SOS2: variants seen among roughly 807,000 people sequenced by gnomAD.
SOS2 encodes the protein SOS Ras/Rho guanine nucleotide exchange factor 2, also known as son of sevenless homolog 2.
SOS2 carries 65 observed loss-of-function variants against 148.2 expected under a neutral mutation model. The ratio of observed to expected loss-of-function variants is 0.44; its 90% CI spans 0.36 to 0.54. The LOEUF is 0.54. Among genes scored for constraint, SOS2 ranks in the 20% least tolerant of loss-of-function variants. The probability of loss-of-function intolerance (pLI) is 0.00; values close to 1 mark genes in which losing one functional copy is unlikely to be tolerated. For synonymous variants in SOS2, 539 were observed against 537.1 expected, an observed-to-expected ratio of 1.00 and a Z score of -0.05; for missense variants, 1,341 against 1,590.2, an observed-to-expected ratio of 0.84 and a Z score of 2.67.
chr14:50,146,641 T>C (rs1405891854), intron 14 of SOS2, among the ~76,000 whole-genome samples: 1 of 151,782 alleles, frequency 6.6e-6, no homozygotes, highest in Non-Finnish European at 1.5e-5. Context: ...AGTGAGACTC[T>C]GTCTCAAAAC....
chr14:50,125,109 A>C (rs922448984), intron 21 of SOS2, among the ~76,000 whole-genome samples: 15 of 152,188 alleles, frequency 9.9e-5, no homozygotes, highest in South Asian at 8.3e-4. Flanking sequence ...GATGTAATGA[A>C]GTTAGGATGA....
intron 8 of SOS2, among the ~76,000 whole-genome samples, chr14:50,163,388 G>A (rs1474694923): frequency 6.6e-6 from 1 of 151,994 alleles, no homozygotes; most frequent in African/African-American, 2.4e-5. Context: ...GAACTAACTG[G>A]CTATTGTTTG....
chr14:50,216,720 G>A (rs1043378827), intron 1 of SOS2, among the ~76,000 whole-genome samples: 3 of 151,992 alleles, frequency 2.0e-5, no homozygotes, highest in African/African-American at 7.2e-5. Context: ...GGGTGACAGA[G>A]TGAGACTCAA....
chr14:50,227,770 T>C (rs1260393692), intron 1 of SOS2, among the ~76,000 whole-genome samples: 2 of 152,204 alleles, frequency 1.3e-5, no homozygotes, highest in African/African-American at 2.4e-5. Context: ...GATTGGTTTT[T>C]TAAAAATCCC....
intron 22 of SOS2, among the ~76,000 whole-genome samples, chr14:50,119,836 A>C (rs1191362518): frequency 4.5e-5 from 5 of 111,304 alleles, no homozygotes; most frequent in Non-Finnish European, 8.7e-5. Flanking sequence ...TTGAGACAAG[A>C]GTTTTGCAAT....
rs1333570193 is a variant in SOS2 at position 50,160,030 on chromosome 14, T to C, written c.1253A>G (p.Lys418Arg). Residue 418 changes from lysine to arginine, a missense_variant, in exon 10 of 23, where the codon AAA (lysine) becomes AGA (arginine). Physicochemically the swap from Lys to Arg is conservative, Grantham distance 26. This residue lies in a region of SOS2 where 574 missense variants were observed against 711.1 expected (regional missense o/e 0.81). Transcript: ENST00000216373. ...HQLRSKHLAI[K>R]KMNEIQKNID... is the part of the protein sequence containing the mutation. ...ATTTTTCTGAATTTCATTCATTTTT[T>C]TGATAGCCAGGTGTTTGCTTCTTAA... The C allele has an allele frequency of 6.2e-7, 1 of 1,614,128 alleles. No homozygotes were observed. The highest frequency in any genetic ancestry group is 2.2e-5 in the East Asian group (1 of 44,870).
intron 21 of SOS2, among the ~76,000 whole-genome samples, chr14:50,127,207 T>C (rs1383587437): frequency 2.0e-5 from 3 of 147,840 alleles, no homozygotes; most frequent in Non-Finnish European, 4.4e-5. Flanking sequence ...AATGACACGA[T>C]CTTGGATCAC....
chr14:50,181,143 T>A (rs1410022796), intron 6 of SOS2, among the ~76,000 whole-genome samples: 1 of 152,010 alleles, frequency 6.6e-6, no homozygotes, highest in Admixed American at 6.6e-5. Flanking sequence ...CAGGAATATA[T>A]CCTTAAAAAT....
intron 8 of SOS2, among the ~76,000 whole-genome samples, chr14:50,162,902 T>G (rs989037940): frequency 4.4e-4 from 66 of 150,838 alleles, no homozygotes; most frequent in Non-Finnish European, 4.9e-4. Flanking sequence ...TTTTGATTTT[T>G]TTTTTTTTTT....
Position 50,150,065 on chromosome 14 carries a change from G to C in SOS2, c.2327C>G (p.Thr776Arg). 1 of 1,614,022 alleles carries C rather than the reference G, an allele frequency of 6.2e-7. No homozygotes were observed. Among genetic ancestry groups the C allele is most frequent in the Non-Finnish European group, 8.5e-7 (1 of 1,179,922 alleles). Reference sequence around the variant, plus strand: ...ACGTGCAATTTCTATTGGATGAAGTGTCATGAGATCAAATGTTTCAAACTG... The same window carrying C: ...ACGTGCAATTTCTATTGGATGAAGTCTCATGAGATCAAATGTTTCAAACTG... ...PGQFETFDLM[T>R]LHPIEIARQL... Residue 776 changes from threonine (T) to arginine (R), a missense_variant, in exon 14 of 23, where the codon ACA (threonine) becomes AGA (arginine). Around this residue, in one of 4 missense-constraint regions of SOS2, gnomAD observed 408 missense variants for 506.6 expected, o/e 0.81. Transcript: ENST00000216373.
intron 1 of SOS2, among the ~76,000 whole-genome samples, chr14:50,221,959 C>T (rs867687584): frequency 2.0e-5 from 3 of 151,470 alleles, no homozygotes; most frequent in African/African-American, 2.4e-5. Context: ...TAAAAAAGTG[C>T]GATTAAAGAC....
chr14:50,216,144 G>A (rs1218200331), intron 1 of SOS2, among the ~76,000 whole-genome samples: 1 of 150,692 alleles, frequency 6.6e-6, no homozygotes, highest in Non-Finnish European at 1.5e-5. Flanking sequence ...CACCCAGGCT[G>A]GAGTGCAGTG....
At chr14:50,193,046 C>G (rs924413024) in intron 4 of SOS2, among the ~76,000 whole-genome samples, 1 of 151,924 alleles carries the variant, frequency 6.6e-6, no homozygotes, top group Non-Finnish European at 1.5e-5. Flanking sequence ...ACAATAATAG[C>G]TCACTATAGC....
intron 3 of SOS2, 137 bp downstream of exon 3, chr14:50,200,816 T>C: frequency 1.5e-6 from 1 of 657,630 alleles, no homozygotes; most frequent in South Asian, 2.2e-5. Flanking sequence ...ATGCGATGTG[T>C]ATGTACAAGC....
At chr14:50,230,715 T>A (rs1381086697) in intron 1 of SOS2, 1 of 158,472 alleles carries the variant, frequency 6.3e-6, no homozygotes, top group Non-Finnish European at 1.4e-5. Context: ...TATGACTCAC[T>A]GACATTTCAC....
chr14:50,230,417 A>G (rs1887503137), intron 1 of SOS2, among the ~76,000 whole-genome samples: 1 of 152,234 alleles, frequency 6.6e-6, no homozygotes. Flanking sequence ...TATTATAAAA[A>G]TGATCGTATG....
intron 1 of SOS2, among the ~76,000 whole-genome samples, chr14:50,207,969 A>T (rs1886722615): frequency 6.6e-6 from 1 of 152,080 alleles, no homozygotes; most frequent in East Asian, 1.9e-4. Flanking sequence ...TAAAAAAGCC[A>T]TTTGAAAAAT....
chr14:50,207,844 T>C (rs1283008669), intron 1 of SOS2, among the ~76,000 whole-genome samples: 4 of 147,234 alleles, frequency 2.7e-5, no homozygotes, highest in Non-Finnish European at 5.9e-5. Flanking sequence ...AGACAGACGC[T>C]GCCGTGAGCT....
intron 19 of SOS2, among the ~76,000 whole-genome samples, chr14:50,131,968 A>C (rs1430015762): frequency 2.0e-5 from 3 of 152,218 alleles, no homozygotes; most frequent in Non-Finnish European, 2.9e-5. Flanking sequence ...ATTCTGACTG[A>C]AAAATTAAAG....
Sources: allele counts gnomAD v4.1 joint callset (sites outside exome capture counted in the v4.1 genomes callset), GRCh38; gene constraint gnomAD v4.1.1; regional missense constraint gnomAD v4.1.1; transcripts MANE v1.5; gene names NCBI Gene and HGNC (gene_info 2026-07-23, HGNC 2026-07-21).